The following CNTLN variants were observed in gnomAD, a reference collection of about 807,000 sequenced individuals.
CNTLN encodes the protein centlein.
A neutral mutation model predicts 180.0 loss-of-function variants in CNTLN; 212 were observed. That is an observed-to-expected ratio of 1.18 (90% CI 1.05 to 1.32). The LOEUF (loss-of-function observed/expected upper bound fraction) is 1.32. Ranked by LOEUF, CNTLN falls within the 40% of genes most tolerant of loss-of-function variation. The probability of loss-of-function intolerance (pLI) is 0.00; values close to 1 mark genes in which losing one functional copy is unlikely to be tolerated. For missense variants in CNTLN, 2,095 were observed against 1,610.9 expected (o/e 1.30, Z -5.14); for synonymous variants, 722 against 563.1 (o/e 1.28, Z -3.99).
chr9:17,143,065 C>T (rs1350845624), intron 1 of CNTLN, among the ~76,000 whole-genome samples: 1 of 152,168 alleles, frequency 6.6e-6, no homozygotes, highest in African/African-American at 2.4e-5. Context: ...TCAACAGTTG[C>T]ATCCCAAAAT....
In CNTLN at chr9:17,298,294, A is replaced by C; in HGVS notation, c.1088A>C (p.Gln363Pro). ...QQLQVLNMDT[Q>P]KVLRNQEDVH... ...CTTCAGGTTCTCAATATGGACACACAAAAAGTACTGAGAAATCAGGAAGAT... is the reference window on the plus strand; with the variant it reads ...CTTCAGGTTCTCAATATGGACACACCAAAAGTACTGAGAAATCAGGAAGAT... Residue 363 changes from glutamine (Q) to proline (P), a missense_variant, in exon 7 of 26, where the codon CAA (glutamine) becomes CCA (proline). Physicochemically the swap from Gln to Pro is moderately conservative, Grantham distance 76. Transcript: ENST00000380647. 1 of 1,613,608 alleles carries C rather than the reference A, an allele frequency of 6.2e-7. No homozygotes were observed. The highest frequency in any genetic ancestry group is 2.2e-5 in the East Asian group (1 of 44,860).
intron 13 of CNTLN, among the ~76,000 whole-genome samples, chr9:17,370,002 A>G (rs190864764): frequency 6.6e-6 from 1 of 151,586 alleles, no homozygotes; most frequent in Non-Finnish European, 1.5e-5. Context: ...AAAAAAAAAG[A>G]AAATACACAG....
At chr9:17,375,141 ATT>A (rs1824651241) in intron 13 of CNTLN, among the ~76,000 whole-genome samples, 1 of 152,186 alleles carries the variant, frequency 6.6e-6, no homozygotes, top group Non-Finnish European at 1.5e-5. Flanking sequence ...ATTGGAGGTC[ATT>A]GTGTTAAGTG....
At chr9:17,427,090 C>A (rs1318231840) in intron 18 of CNTLN, among the ~76,000 whole-genome samples, 1 of 152,036 alleles carries the variant, frequency 6.6e-6, no homozygotes, top group African/African-American at 2.4e-5. Context: ...TGCAGCACTC[C>A]AGAGGATTCT....
intron 2 of CNTLN, among the ~76,000 whole-genome samples, chr9:17,182,560 A>G (rs929228029): frequency 1.3e-5 from 2 of 152,220 alleles, no homozygotes; most frequent in Non-Finnish European, 2.9e-5. Context: ...CATGCTTTAG[A>G]AAATTTATTT....
chr9:17,416,729 A>G (rs1391314927), intron 18 of CNTLN, among the ~76,000 whole-genome samples: 1 of 152,146 alleles, frequency 6.6e-6, no homozygotes. Flanking sequence ...ACTCCTGGTA[A>G]GGTAATCTTA....
intron 25 of CNTLN, among the ~76,000 whole-genome samples, chr9:17,493,826 C>T (rs1023315519): frequency 1.3e-5 from 2 of 152,214 alleles, no homozygotes; most frequent in South Asian, 2.1e-4. Flanking sequence ...ATGTTCAGCA[C>T]GTGAGTGCCT....
intron 5 of CNTLN, among the ~76,000 whole-genome samples, chr9:17,256,903 T>C (rs571296728): frequency 1.3e-5 from 2 of 152,024 alleles, no homozygotes; most frequent in Admixed American, 1.3e-4. Flanking sequence ...ATGATTCCAT[T>C]TTGGTTTGGT....
intron 16 of CNTLN, among the ~76,000 whole-genome samples, chr9:17,414,136 T>C (rs531229364): frequency 1.3e-5 from 2 of 152,314 alleles, no homozygotes; most frequent in African/African-American, 4.8e-5. Flanking sequence ...GCATTCTGTG[T>C]TGCTATTTAA....
intron 5 of CNTLN, among the ~76,000 whole-genome samples, chr9:17,267,028 G>C (rs917303393): frequency 6.6e-6 from 1 of 152,112 alleles, no homozygotes; most frequent in Non-Finnish European, 1.5e-5. Context: ...GGAGCATGTT[G>C]CCCATTTACA....
At chr9:17,346,525 T>C (rs1821912523) in intron 12 of CNTLN, among the ~76,000 whole-genome samples, 1 of 152,190 alleles carries the variant, frequency 6.6e-6, no homozygotes, top group Non-Finnish European at 1.5e-5. Flanking sequence ...AGCAATTGTT[T>C]TTCTTCAGCA....
intron 18 of CNTLN, among the ~76,000 whole-genome samples, chr9:17,442,766 A>T (rs1049704803): frequency 1.3e-5 from 2 of 152,230 alleles, no homozygotes; most frequent in Non-Finnish European, 2.9e-5. Flanking sequence ...ATACCTTGAG[A>T]CAAATGAAAA....
At chr9:17,380,546 T>C (rs527266044) in intron 13 of CNTLN, among the ~76,000 whole-genome samples, 1 of 152,128 alleles carries the variant, frequency 6.6e-6, no homozygotes, top group African/African-American at 2.4e-5. Flanking sequence ...ACAACAAGTC[T>C]GGTTGGGGAG....
At chr9:17,416,907 C>A (rs1397945205) in intron 18 of CNTLN, among the ~76,000 whole-genome samples, 1 of 151,608 alleles carries the variant, frequency 6.6e-6, no homozygotes, top group East Asian at 1.9e-4. Context: ...AGAAAACAAT[C>A]TTTCAATCAC....
chr9:17,158,457 ATTCT>A (rs1819453370), intron 2 of CNTLN, among the ~76,000 whole-genome samples: 1 of 152,066 alleles, frequency 6.6e-6, no homozygotes, highest in Non-Finnish European at 1.5e-5. Context: ...ATTGGTATTA[ATTCT>A]TTTTTAAATA....
Position 17,464,542 on chromosome 9 carries a change from A to G in CNTLN, c.3450A>G (p.Ile1150Met). The change falls in exon 21 of 26, where the codon ATA becomes ATG. Residue 1150 changes from isoleucine to methionine, a missense_variant. Physicochemically the swap from Ile to Met is conservative, Grantham distance 10. Transcript: ENST00000380647. ...ATATAACTATGAAAAGACATTTGAT[A>G]GAGGACTTGAAATTTCGACAGAAAG... Reference protein sequence around the residue: ...ERDITMKRHLIEDLKFRQKVN... With the variant: ...ERDITMKRHLMEDLKFRQKVN... The G allele has an allele frequency of 6.5e-7, 1 of 1,528,488 alleles. No homozygotes were observed. Among genetic ancestry groups the G allele is most frequent in the South Asian group, 1.3e-5 (1 of 78,386 alleles). The allele number at this position is 1,528,488 out of a possible 1,614,324, so 94.7% of individuals were successfully genotyped here. A position where few individuals can be genotyped will look rare whatever the true frequency, so the allele number is the denominator to read the frequency against.
chr9:17,296,090 C>T (rs376199758), intron 6 of CNTLN, among the ~76,000 whole-genome samples: 2 of 151,168 alleles, frequency 1.3e-5, no homozygotes, highest in African/African-American at 2.4e-5. Flanking sequence ...GGTGCGATCT[C>T]GGCTCAGGAT....
chr9:17,335,867 A>G (rs186297882), intron 10 of CNTLN, among the ~76,000 whole-genome samples: 14 of 150,292 alleles, frequency 9.3e-5, no homozygotes, highest in African/African-American at 3.4e-4. Flanking sequence ...GCTTGAACCC[A>G]GGAGGCAGAG....
At chr9:17,387,290 G>GAT (rs1199050424) in intron 13 of CNTLN, among the ~76,000 whole-genome samples, 2 of 152,016 alleles carry the variant, frequency 1.3e-5, no homozygotes, top group Non-Finnish European at 2.9e-5. Context: ...GGCTAACACA[G>GAT]ATATATATCC....
Sources: allele counts gnomAD v4.1 joint callset (sites outside exome capture counted in the v4.1 genomes callset), GRCh38; gene constraint gnomAD v4.1.1; transcripts MANE v1.5; gene names NCBI Gene and HGNC (gene_info 2026-07-23, HGNC 2026-07-21).